The following P2RX6 variants were observed in gnomAD, a reference collection of about 807,000 sequenced individuals.
P2RX6 encodes the protein purinergic receptor P2X 6.
In P2RX6, 62 loss-of-function variants were observed where a neutral mutation model predicts 54.2. The observed-to-expected ratio is 1.14, with a 90% CI of 0.93 to 1.41. P2RX6 has a LOEUF of 1.41. P2RX6 is among the 40% of genes most tolerant of loss of function. The pLI, the probability that P2RX6 is intolerant of heterozygous loss-of-function variation, is 0.00. For missense variants in P2RX6, 541 were observed against 566.3 expected (o/e 0.96, Z 0.45); for synonymous variants, 211 against 231.9 (o/e 0.91, Z 0.82).
intron 3 of P2RX6, among the ~76,000 whole-genome samples, chr22:21,021,549 C>T (rs2255371): frequency 0.45 from 68,926 of 151,946 alleles, 17,201 homozygotes; most frequent in African/African-American, 0.67. Context: ...CACCCAATCA[C>T]GACGGCCCTG....
At chr22:21,020,572 G>A (rs1182579405) in intron 3 of P2RX6, among the ~76,000 whole-genome samples, 5 of 149,538 alleles carry the variant, frequency 3.3e-5, no homozygotes, top group Non-Finnish European at 7.4e-5. Context: ...CTGCACTTGA[G>A]CAGAATCTTT....
At position 21,026,180 on chromosome 22, in the gene P2RX6, G is replaced by A; in HGVS notation, c.1051-72G>A. ...TCCGGTGCCTGCACATTGAGTCTCG[G>A]GGTGCAGGCTGGGGAGGTGGCAGGA... On this transcript the variant is annotated intron_variant, in intron 10 of 11. Transcript: ENST00000413302. This position sits in a 1 kb window ranked among gnomAD's most constrained non-coding sequence, Gnocchi z 4.0. 1 of 1,528,450 alleles carries A rather than the reference G, an allele frequency of 6.5e-7. No individual in the cohort carries two copies. The highest frequency in any genetic ancestry group is 2.4e-5 in the East Asian group (1 of 42,208). The allele number at this position is 1,528,450 out of a possible 1,614,324, so 94.7% of individuals were successfully genotyped here.
chr22:21,023,616 C>T lies in P2RX6; in HGVS notation c.888C>T (p.Phe296=). The change falls in exon 8 of 12, where the codon TTC becomes TTT. Residue 296 remains phenylalanine, a splice_region_variant and synonymous_variant. Coordinates refer to ENST00000413302, the MANE Select transcript of P2RX6 (RefSeq NM_005446.5). ...SFQLQEKSYN[F]RTATHWWEQP... ...AGCTGCAGGAGAAGAGCTACAACTT[C>T]AGGTGAGGCCCCACTGCTCCCAGTG... The T allele has an allele frequency of 3.1e-6, 5 of 1,595,548 alleles. No individual in the cohort carries two copies. The South Asian group carries it at 3.4e-5, about 11-fold the overall frequency.
upstream of P2RX6, among the ~76,000 whole-genome samples, chr22:21,010,874 CCAGT>C (rs1925700358): frequency 6.6e-6 from 1 of 151,880 alleles, no homozygotes; most frequent in Non-Finnish European, 1.5e-5. Flanking sequence ...CTGCTGTCTG[CCAGT>C]CTGGGAAACA....
upstream of P2RX6, chr22:21,012,476 G>A (rs779591897): frequency 4.5e-4 from 222 of 492,900 alleles, 2 homozygotes; most frequent in South Asian, 1.1e-3. Flanking sequence ...GCACATCCCT[G>A]AGGAAAGGGA....
chr22:21,015,265 G>A lies in P2RX6; in HGVS notation c.91G>A (p.Val31Met). Residue 31 changes from valine (V) to methionine (M), a missense_variant, in exon 1 of 12, where the codon GTG becomes ATG. Coordinates refer to ENST00000413302, the MANE Select transcript of P2RX6 (RefSeq NM_005446.5). The part of the protein sequence containing the change: ...GLLDYKTEKY[V>M]MTRNWRVGAL... ...TCTGGATTATAAGACGGAGAAGTATGTGATGACCAGGAACTGGCGGGTGGG... is the reference window on the plus strand; with the variant it reads ...TCTGGATTATAAGACGGAGAAGTATATGATGACCAGGAACTGGCGGGTGGG... 6.5e-7 allele frequency: 1 copy of A among 1,548,508 alleles called. No individual in the cohort carries two copies. Among genetic ancestry groups the A allele is most frequent in the Non-Finnish European group, 8.6e-7 (1 of 1,156,726 alleles).
At chr22:21,016,514 G>A (rs1343701445) in intron 2 of P2RX6, among the ~76,000 whole-genome samples, 3 of 151,400 alleles carry the variant, frequency 2.0e-5, no homozygotes, top group Non-Finnish European at 2.9e-5. Context: ...GCATGAACCC[G>A]GGAGGTGGAG....
At chr22:21,020,427 C>T (rs570417117) in intron 3 of P2RX6, among the ~76,000 whole-genome samples, 36 of 152,154 alleles carry the variant, frequency 2.4e-4, no homozygotes, top group African/African-American at 6.5e-4. Context: ...TGAGCCTCCC[C>T]GCTGGGCCAG....
intron 8 of P2RX6, among the ~76,000 whole-genome samples, chr22:21,024,879 T>TTTG (rs1928133144): frequency 5.9e-5 from 1 of 17,012 alleles, no homozygotes; most frequent in Admixed American, 9.9e-4. Flanking sequence ...TTTTTTTGTG[T>TTTG]TTTTTTTTTT....
chr22:21,022,858 T>C (rs1927669745), intron 4 of P2RX6, 84 bp from the exon 5 acceptor site: 1 of 1,495,446 alleles, frequency 6.7e-7, no homozygotes, highest in African/African-American at 1.4e-5. Flanking sequence ...CCTGCATCTC[T>C]CTTTCTGCCA....
intron 2 of P2RX6, 21 bp downstream of exon 2, chr22:21,016,113 G>C (rs1171536038): frequency 1.3e-6 from 2 of 1,553,992 alleles, no homozygotes; most frequent in African/African-American, 1.4e-5. Flanking sequence ...TGATGTTGCT[G>C]ACGGGGGCGC....
rs201357125 is a variant in P2RX6 at position 21,026,506 on chromosome 22, G to A, written c.1215G>A (p.Arg405=). 5 of 1,596,040 alleles carry A rather than the reference G, an allele frequency of 3.1e-6. No homozygotes were observed. In the Admixed American group the frequency reaches 6.9e-5, roughly 22 times the overall value. ...SQARLAECLR[R]SSAPAPTATA... is the part of the protein sequence containing the mutation. ...CCCGACTGGCCGAGTGCCTCAGACGGAGCTCAGCACCTGCACCCACGGCCA... is the reference window on the plus strand; with the variant it reads ...CCCGACTGGCCGAGTGCCTCAGACGAAGCTCAGCACCTGCACCCACGGCCA... Residue 405 remains arginine, a synonymous_variant, in exon 12 of 12, where the codon CGG becomes CGA. Transcript: ENST00000413302. The surrounding 1 kb of genome is among the most constrained non-coding windows in gnomAD (Gnocchi z 4.0).
At position 21,023,580 on chromosome 22, in the gene P2RX6, C is replaced by T. The variant is rs746341590; in HGVS notation, c.852C>T (p.His284=). The change falls in exon 8 of 12, where the codon CAC becomes CAT. Residue 284 remains histidine, a synonymous_variant. Coordinates refer to ENST00000413302, the MANE Select transcript of P2RX6 (RefSeq NM_005446.5). ...CCGGGGACTCTGGCTGCTGGCCTCACTACTCCTTCCAGCTGCAGGAGAAGA... is the reference window on the plus strand; with the variant it reads ...CCGGGGACTCTGGCTGCTGGCCTCATTACTCCTTCCAGCTGCAGGAGAAGA... ...LDTGDSGCWP[H]YSFQLQEKSY... The T allele has an allele frequency of 1.2e-6, 2 of 1,612,956 alleles. No homozygotes were observed. Among genetic ancestry groups the T allele is most frequent in the Non-Finnish European group, 1.7e-6 (2 of 1,179,460 alleles).
intron 2 of P2RX6, among the ~76,000 whole-genome samples, chr22:21,017,116 C>T (rs1160966945): frequency 6.6e-6 from 1 of 152,096 alleles, no homozygotes; most frequent in Non-Finnish European, 1.5e-5. Flanking sequence ...ATGCCCCTCT[C>T]GCCTCCTCCC....
In P2RX6 at chr22:21,015,272, C is replaced by G; in HGVS notation, c.98C>G (p.Thr33Ser). The G allele has an allele frequency of 6.4e-7, 1 of 1,552,524 alleles. No individual in the cohort carries two copies. Among genetic ancestry groups the G allele is most frequent in the Non-Finnish European group, 8.6e-7 (1 of 1,157,700 alleles). The change falls in exon 1 of 12, where the codon ACC (threonine) becomes AGC (serine). Residue 33 changes from threonine to serine, a missense_variant. Coordinates refer to ENST00000413302, the MANE Select transcript of P2RX6 (RefSeq NM_005446.5). Reference protein sequence around the residue: ...LDYKTEKYVMTRNWRVGALQR... With the variant: ...LDYKTEKYVMSRNWRVGALQR... ...TATAAGACGGAGAAGTATGTGATGA[C>G]CAGGAACTGGCGGGTGGGCGCCCTG...
chr22:21,011,812 G>T (rs56017907), upstream of P2RX6, among the ~76,000 whole-genome samples: 1 of 152,110 alleles, frequency 6.6e-6, no homozygotes, highest in African/African-American at 2.4e-5. Flanking sequence ...TGTGTCAAGC[G>T]GTTAAAACTG....
At chr22:21,017,467 T>C (rs1926589001) in intron 2 of P2RX6, among the ~76,000 whole-genome samples, 2 of 152,216 alleles carry the variant, frequency 1.3e-5, no homozygotes, top group Non-Finnish European at 2.9e-5. Flanking sequence ...GTGTGTGAGA[T>C]GGGAGACTCA....
At chr22:21,013,990 C>G (rs1306250474), upstream of P2RX6, 2 of 152,684 alleles carry the variant, frequency 1.3e-5, no homozygotes, top group African/African-American at 4.8e-5. Flanking sequence ...AGGTCTCCTG[C>G]CTCCTCGGCG....
At chr22:21,021,719 G>A (rs1396595710) in intron 3 of P2RX6, among the ~76,000 whole-genome samples, 1 of 152,112 alleles carries the variant, frequency 6.6e-6, no homozygotes, top group Non-Finnish European at 1.5e-5. Context: ...GAGAGTGCCC[G>A]ATGCTCAAGG....
Sources: gnomAD v4.1 joint callset for allele counts (sites outside exome capture counted in the v4.1 genomes callset) on GRCh38, gnomAD v4.1.1 for gene constraint, Gnocchi (gnomAD v3.1) non-coding constraint, MANE v1.5 for transcripts, NCBI Gene and HGNC (gene_info 2026-07-23, HGNC 2026-07-21) for gene names.